MAST4: variants seen among roughly 807,000 people sequenced by gnomAD.
The protein encoded by MAST4 is microtubule-associated serine/threonine-protein kinase 4.
In MAST4, 89 loss-of-function variants were observed where a neutral mutation model predicts 162.7. The observed-to-expected ratio is 0.55, with a 90% CI of 0.46 to 0.65. The LOEUF is 0.65. Ranked by LOEUF, MAST4 falls within the 30% of genes least tolerant of loss-of-function variation. MAST4 has a pLI of 0.00. For synonymous variants in MAST4, 1,479 were observed against 1,361.1 expected, an observed-to-expected ratio of 1.09 and a Z score of -1.91; for missense variants, 3,153 against 3,374.0, an observed-to-expected ratio of 0.93 and a Z score of 1.62.
intron 1 of MAST4, among the ~76,000 whole-genome samples, chr5:66,685,423 A>G (rs1748594665): frequency 6.6e-6 from 1 of 152,228 alleles, no homozygotes. Context: ...AAGAGCTGGA[A>G]GAAATTCATA....
chr5:66,641,052 A>G (rs1351667576), intron 1 of MAST4, among the ~76,000 whole-genome samples: 1 of 152,114 alleles, frequency 6.6e-6, no homozygotes, highest in Non-Finnish European at 1.5e-5. Context: ...GTTAAATTGG[A>G]TTATTCAGTT....
At chr5:66,699,940 C>G (rs1749658841) in intron 1 of MAST4, among the ~76,000 whole-genome samples, 1 of 151,904 alleles carries the variant, frequency 6.6e-6, no homozygotes, top group Admixed American at 6.6e-5. Flanking sequence ...AAACCCCAAA[C>G]TCTTTGTCTC....
intron 4 of MAST4, among the ~76,000 whole-genome samples, chr5:66,993,270 GGAAAAATA>G (rs1340135964): frequency 6.6e-6 from 1 of 152,148 alleles, no homozygotes; most frequent in African/African-American, 2.4e-5. Flanking sequence ...TGTAGAAGTT[GGAAAAATA>G]GAAAAATAAC....
At chr5:67,029,506 A>C (rs1481111734) in intron 4 of MAST4, among the ~76,000 whole-genome samples, 6 of 152,108 alleles carry the variant, frequency 3.9e-5, no homozygotes, top group Non-Finnish European at 7.4e-5. Context: ...AGTTAAGTAT[A>C]TTGAGGGACC....
chr5:67,118,636 AT>A (rs1246079294), intron 12 of MAST4, 45 bp from the exon 13 acceptor site: 1 of 1,146,330 alleles, frequency 8.7e-7, no homozygotes, highest in Admixed American at 2.1e-5. Context: ...TTCTTATCCA[AT>A]TGCAATATTT....
chr5:66,831,589 T>A (rs1453628200), intron 3 of MAST4, among the ~76,000 whole-genome samples: 1 of 152,226 alleles, frequency 6.6e-6, no homozygotes, highest in Non-Finnish European at 1.5e-5. Context: ...TTATTTTCAG[T>A]CAGAACATAT....
chr5:67,142,035 T>C (rs1770458490), intron 19 of MAST4, 80 bp from the exon 20 acceptor site: 1 of 1,412,394 alleles, frequency 7.1e-7, no homozygotes, highest in Non-Finnish European at 9.7e-7. Context: ...CTCAAAATTG[T>C]TGTTAAAAAC....
chr5:66,837,982 A>G (rs1395447707), intron 3 of MAST4, among the ~76,000 whole-genome samples: 1 of 150,120 alleles, frequency 6.7e-6, no homozygotes, highest in Non-Finnish European at 1.5e-5. Context: ...CCAAATAACA[A>G]CAATGATAGT....
At chr5:67,132,952 A>G (rs892636158) in intron 16 of MAST4, among the ~76,000 whole-genome samples, 1 of 152,126 alleles carries the variant, frequency 6.6e-6, no homozygotes, top group African/African-American at 2.4e-5. Flanking sequence ...CGTATATACT[A>G]TTTAAACTTT....
intron 3 of MAST4, among the ~76,000 whole-genome samples, chr5:66,868,817 T>G (rs1760720684): frequency 6.6e-6 from 1 of 152,182 alleles, no homozygotes; most frequent in Admixed American, 6.6e-5. Context: ...AACCTAACCC[T>G]TAAAGGATGT....
At position 67,069,287 on chromosome 5, in the gene MAST4, G is replaced by GATATATATATATAT. The variant is rs6149054; in HGVS notation, c.763+14807_763+14820dup. 5.5e-3 allele frequency among the ~76,000 whole-genome samples: 591 copies of GATATATATATATAT among 107,578 alleles called. 25 individuals are homozygous for GATATATATATATAT. The highest frequency in any genetic ancestry group is 0.018 in the African/African-American group (438 of 24,422). The allele number at this position is 107,578 out of a possible 152,430, so 70.6% of individuals were successfully genotyped here. On this transcript the variant is annotated intron_variant, in intron 5 of 28. Transcript: ENST00000403625. ...CCTTTTCTGTTAAAGGAGGAGATTG[G>GATATATATATATAT]ATATATATATATATATATATATATA... is the stretch of plus-strand genomic sequence containing the variant.
intron 1 of MAST4, among the ~76,000 whole-genome samples, chr5:66,649,178 C>T (rs1746053316): frequency 6.6e-6 from 1 of 152,126 alleles, no homozygotes; most frequent in African/African-American, 2.4e-5. Context: ...GTTGTCTTGC[C>T]ATTTGTAGAG....
intron 1 of MAST4, among the ~76,000 whole-genome samples, chr5:66,709,921 A>G (rs574751593): frequency 1.3e-5 from 2 of 152,268 alleles, no homozygotes; most frequent in South Asian, 4.1e-4. Flanking sequence ...GTGGGCTGTG[A>G]GCCATTCTAA....
At chr5:66,811,082 A>T (rs72761255) in intron 3 of MAST4, among the ~76,000 whole-genome samples, 1 of 152,018 alleles carries the variant, frequency 6.6e-6, no homozygotes, top group African/African-American at 2.4e-5. Flanking sequence ...CCGGGCAGAG[A>T]CTTGGAGGAT....
chr5:67,151,983 G>A (rs1412479192), intron 24 of MAST4, among the ~76,000 whole-genome samples: 1 of 152,010 alleles, frequency 6.6e-6, no homozygotes, highest in Non-Finnish European at 1.5e-5. Flanking sequence ...TACCTGGCTT[G>A]TCTTGAACTC....
At chr5:66,982,990 T>A (rs1045758720) in intron 4 of MAST4, among the ~76,000 whole-genome samples, 4 of 152,156 alleles carry the variant, frequency 2.6e-5, no homozygotes, top group Non-Finnish European at 4.4e-5. Flanking sequence ...ATCAGGAGAG[T>A]TATAGCTTTT....
chr5:66,668,222 G>A (rs1747382822), intron 1 of MAST4, among the ~76,000 whole-genome samples: 1 of 152,178 alleles, frequency 6.6e-6, no homozygotes, highest in African/African-American at 2.4e-5. Context: ...TGGTCACGAG[G>A]CCTAATGTAG....
At chr5:66,978,797 G>C (rs1748444125) in intron 4 of MAST4, among the ~76,000 whole-genome samples, 4 of 152,214 alleles carry the variant, frequency 2.6e-5, no homozygotes, top group Admixed American at 2.6e-4. Context: ...ATTGGAAATA[G>C]ACTATAGTGT....
At position 67,164,251 on chromosome 5, in the gene MAST4, A is replaced by G; in HGVS notation, c.5072A>G (p.Lys1691Arg). Reference protein sequence around the residue: ...SKLANIDYLRKKMSLEDKEDN... With the variant: ...SKLANIDYLRRKMSLEDKEDN... ...CTGGCCAACATCGATTACCTCCGAA[A>G]GAAAATGTCACTTGAGGACAAAGAG... The change falls in exon 29 of 29, where the codon AAG (lysine) becomes AGG (arginine). Residue 1691 changes from lysine (K) to arginine (R), a missense_variant. Physicochemically the swap from Lys to Arg is conservative, Grantham distance 26 (BLOSUM62 2). Transcript: ENST00000403625. The surrounding 1 kb of genome is among the most constrained non-coding windows in gnomAD (Gnocchi z 5.3). 1 of 1,614,042 alleles carries G rather than the reference A, an allele frequency of 6.2e-7. No individual in the cohort carries two copies. The highest frequency in any genetic ancestry group is 8.5e-7 in the Non-Finnish European group (1 of 1,179,882).
Sources: allele counts gnomAD v4.1 joint callset (sites outside exome capture counted in the v4.1 genomes callset), GRCh38; gene constraint gnomAD v4.1.1; non-coding constraint Gnocchi (gnomAD v3.1); transcripts MANE v1.5; gene names NCBI Gene and HGNC (gene_info 2026-07-23, HGNC 2026-07-21).